MIEF1: variants seen among roughly 807,000 people sequenced by gnomAD.
MIEF1 encodes mitochondrial dynamics protein MIEF1.
Under a neutral mutation model 35.1 loss-of-function variants are expected in MIEF1, and 14 were observed. The observed-to-expected ratio is 0.40, with a 90% CI of 0.26 to 0.62. The LOEUF is 0.62. Among genes scored for constraint, MIEF1 ranks in the 20% least tolerant of loss-of-function variants. MIEF1 has a pLI of 0.43. For synonymous variants in MIEF1, 245 were observed against 254.3 expected, an observed-to-expected ratio of 0.96 and a Z score of 0.35; for missense variants, 542 against 615.4, an observed-to-expected ratio of 0.88 and a Z score of 1.26.
chr22:39,514,593 C>T lies in MIEF1; in HGVS notation c.*270C>T. On this transcript the variant is annotated 3_prime_UTR_variant, in exon 6 of 6. Coordinates refer to ENST00000325301, the MANE Select transcript of MIEF1 (RefSeq NM_019008.6). ...TGGAATGAATTGAGAAGGTGGCGTGCTGGCCTGAGCTGATGGACCACTTGG... is the reference window on the plus strand; with the variant it reads ...TGGAATGAATTGAGAAGGTGGCGTGTTGGCCTGAGCTGATGGACCACTTGG... 1 of 491,684 alleles carries T rather than the reference C, an allele frequency of 2.0e-6. No homozygotes were observed. Among genetic ancestry groups the T allele is most frequent in the South Asian group, 2.5e-5 (1 of 40,208 alleles). The allele number at this position is 491,684 out of a possible 1,614,324, so 30.5% of individuals were successfully genotyped here. A position where few individuals can be genotyped will look rare whatever the true frequency, so the allele number is the denominator to read the frequency against.
Position 39,517,293 on chromosome 22 carries a change from G to T in MIEF1, c.*2970G>T. 4.5e-6 allele frequency: 1 copy of T among 223,860 alleles called. No homozygotes were observed. The highest frequency in any genetic ancestry group is 9.2e-6 in the Non-Finnish European group (1 of 108,214). 13.9% of individuals were successfully genotyped at this position (223,860 alleles called of 1,614,324 possible). ...GAGTTTATTTTGGTTCTCCTCTGTT[G>T]CCCTTCCTAAAAAATGAGCTGAAGA... On this transcript the variant is annotated 3_prime_UTR_variant, in exon 6 of 6. Coordinates refer to ENST00000325301, the MANE Select transcript of MIEF1 (RefSeq NM_019008.6).
chr22:39,513,284 G>A (rs1930461944), intron 5 of MIEF1, among the ~76,000 whole-genome samples: 1 of 151,972 alleles, frequency 6.6e-6, no homozygotes, highest in South Asian at 2.1e-4. Context: ...TGTATTTTTA[G>A]TAGGGGATGG....
At chr22:39,509,973 T>C (rs1930249060) in intron 2 of MIEF1, among the ~76,000 whole-genome samples, 1 of 152,160 alleles carries the variant, frequency 6.6e-6, no homozygotes. Flanking sequence ...TGTTTTCGTT[T>C]TTGAGACGGA....
intron 2 of MIEF1, among the ~76,000 whole-genome samples, chr22:39,506,688 C>T (rs759395150): frequency 2.6e-5 from 4 of 152,168 alleles, no homozygotes; most frequent in African/African-American, 7.2e-5. Flanking sequence ...CCTAGGAAGC[C>T]GCAAGGCCTC....
At position 39,517,648 on chromosome 22, in the gene MIEF1, CAG is replaced by C; in HGVS notation, c.*3328_*3329del. On this transcript the variant is annotated 3_prime_UTR_variant, in exon 6 of 6. Coordinates refer to ENST00000325301, the MANE Select transcript of MIEF1 (RefSeq NM_019008.6). ...TGACTTGGCTGAGAACGTGTTCTGTCAGAGGATTTGTTAGAACTCTGCCCTTT... is the reference window on the plus strand; with the variant it reads ...TGACTTGGCTGAGAACGTGTTCTGTCAGGATTTGTTAGAACTCTGCCCTTT... 2.1e-6 allele frequency: 1 copy of C among 470,760 alleles called. No homozygotes were observed. The highest frequency in any genetic ancestry group is 4.4e-6 in the Non-Finnish European group (1 of 226,878). The allele number at this position is 470,760 out of a possible 1,614,324, so 29.2% of individuals were successfully genotyped here. A position where few individuals can be genotyped will look rare whatever the true frequency, so the allele number is the denominator to read the frequency against.
upstream of MIEF1, chr22:39,501,787 G>C (rs2294360): frequency 1.3e-5 from 2 of 152,126 alleles, no homozygotes; most frequent in African/African-American, 4.8e-5. Flanking sequence ...GTGAAGGGGG[G>C]CATTTGAGGT....
At chr22:39,507,165 C>A (rs1291731506) in intron 2 of MIEF1, among the ~76,000 whole-genome samples, 1 of 152,144 alleles carries the variant, frequency 6.6e-6, no homozygotes, top group Admixed American at 6.5e-5. Context: ...TGGATGCCGT[C>A]TTCTGTTCCA....
rs1930316669 is a variant in MIEF1, at chr22:39,511,298, G to A, written c.4G>A (p.Ala2Thr). The A allele has an allele frequency of 1.2e-6, 2 of 1,613,496 alleles. No homozygotes were observed. Among genetic ancestry groups the A allele is most frequent in the African/African-American group, 2.7e-5 (2 of 74,892 alleles). Reference protein sequence around the residue: MAGAGERKGKKD... With the variant: MTGAGERKGKKD... The stretch of plus-strand genomic sequence containing the variant: ...TGTCTTCATTCTCAGATGAGCAATG[G>A]CAGGCGCTGGTGAGCGCAAAGGCAA... Residue 2 changes from alanine (A) to threonine (T), a missense_variant, in exon 3 of 6, where the codon GCA becomes ACA. Ala to Thr is a moderately conservative substitution (Grantham distance 58, BLOSUM62 0). Transcript: ENST00000325301.
Position 39,511,519 on chromosome 22 carries a change from G to A in MIEF1, c.144+81G>A, listed in dbSNP as rs139597410. 7.6e-6 allele frequency: 11 copies of A among 1,447,102 alleles called. No homozygotes were observed. The East Asian group carries it at 2.0e-4, about 27-fold the overall frequency. 89.6% of individuals were successfully genotyped at this position (1,447,102 alleles called of 1,614,324 possible). On this transcript the variant is annotated intron_variant, in intron 3 of 5. Transcript: ENST00000325301. ...TAATGTTTTATAGAAAGAAAATGTC[G>A]AAGCGTTCTAGGAGGAAATGATCGC... is the stretch of plus-strand genomic sequence containing the variant.
At chr22:39,509,274 T>A (rs898252507) in intron 2 of MIEF1, 1 of 152,282 alleles carries the variant, frequency 6.6e-6, no homozygotes, top group Admixed American at 6.5e-5. Flanking sequence ...CTTGATGTCC[T>A]CCCATTCTGG....
intron 2 of MIEF1, 94 bp from the exon 3 acceptor site, chr22:39,511,194 C>T (rs1413611003): frequency 6.6e-7 from 1 of 1,526,426 alleles, no homozygotes; most frequent in African/African-American, 1.4e-5. Flanking sequence ...CTGGAACTCA[C>T]AGAGTACCCT....
At chr22:39,511,167 C>G (rs1930310262) in intron 2 of MIEF1, 121 bp from the exon 3 acceptor site, 1 of 1,275,010 alleles carries the variant, frequency 7.8e-7, no homozygotes, top group Non-Finnish European at 1.1e-6. Flanking sequence ...GTGCTGGAGG[C>G]AAGAAGATTT....
Position 39,511,875 on chromosome 22 carries a change from T to C in MIEF1, c.171T>C (p.Pro57=). 1 of 1,614,010 alleles carries C rather than the reference T, an allele frequency of 6.2e-7. No individual in the cohort carries two copies. Among genetic ancestry groups the C allele is most frequent in the Non-Finnish European group, 8.5e-7 (1 of 1,179,924 alleles). The change falls in exon 4 of 6, where the codon CCT becomes CCC. Residue 57 remains proline (P), a synonymous_variant. Coordinates refer to ENST00000325301, the MANE Select transcript of MIEF1 (RefSeq NM_019008.6). The part of the protein sequence containing the change: ...KRMYDRAISA[P]TSPTRLSHSG... ...TGTACGATCGGGCGATCAGTGCCCC[T>C]ACCAGCCCCACCCGCCTGAGCCATT...
At chr22:39,512,606 G>A (rs1930412321) in intron 5 of MIEF1, 112 bp downstream of exon 5, 9 of 1,364,990 alleles carry the variant, frequency 6.6e-6, no homozygotes, top group South Asian at 4.2e-5. Context: ...TACAGCTTCC[G>A]AATCCTGTGT....
At chr22:39,502,104 C>A (rs1344267035), upstream of MIEF1, 2 of 152,346 alleles carry the variant, frequency 1.3e-5, no homozygotes, top group East Asian at 1.9e-4. Flanking sequence ...ATCGGGACCA[C>A]CCCGGTACCC....
intron 2 of MIEF1, among the ~76,000 whole-genome samples, chr22:39,506,153 C>T (rs1569014944): frequency 2.6e-5 from 4 of 152,124 alleles, no homozygotes; most frequent in African/African-American, 9.7e-5. Flanking sequence ...CTACACGCTG[C>T]TATCACTACC....
In MIEF1 at chr22:39,515,019, A is replaced by C. The variant is rs1033572985; in HGVS notation, c.*696A>C. On this transcript the variant is annotated 3_prime_UTR_variant, in exon 6 of 6. Transcript: ENST00000325301. Reference sequence around the variant, plus strand: ...CACAGGATAAGCTGAATGCAAAGTTATTTGCAGGTTGAATTTCTTGGTGGC... The same window carrying C: ...CACAGGATAAGCTGAATGCAAAGTTCTTTGCAGGTTGAATTTCTTGGTGGC... The C allele has an allele frequency of 1.6e-5, 9 of 556,126 alleles. No individual in the cohort carries two copies. The East Asian group carries it at 2.4e-4, about 15-fold the overall frequency. The allele number at this position is 556,126 out of a possible 1,614,324, so 34.4% of individuals were successfully genotyped here.
intron 1 of MIEF1, among the ~76,000 whole-genome samples, chr22:39,502,638 C>T (rs1284275703): frequency 1.3e-5 from 2 of 152,240 alleles, no homozygotes; most frequent in African/African-American, 4.8e-5. Flanking sequence ...CCTCGGAGAC[C>T]TCCAGTGCCC....
At chr22:39,503,343 C>T (rs936572238) in intron 1 of MIEF1, 2 of 152,212 alleles carry the variant, frequency 1.3e-5, no homozygotes, top group African/African-American at 4.8e-5. Flanking sequence ...ATGCTTCGAA[C>T]ATTGCACGTT....
Sources: allele counts gnomAD v4.1 joint callset (sites outside exome capture counted in the v4.1 genomes callset), GRCh38; gene constraint gnomAD v4.1.1; transcripts MANE v1.5; gene names NCBI Gene and HGNC (gene_info 2026-07-23, HGNC 2026-07-21).